CPNE8: variants seen among roughly 807,000 people sequenced by gnomAD.
CPNE8 encodes copine 8.
A neutral mutation model predicts 81.5 loss-of-function variants in CPNE8; 45 were observed. That is an observed-to-expected ratio of 0.55 (90% CI 0.44 to 0.71). The LOEUF (loss-of-function observed/expected upper bound fraction) is 0.71, where lower values mean the gene tolerates loss of function less well. Among genes scored for constraint, CPNE8 ranks in the 30% least tolerant of loss-of-function variants. The pLI is 0.00. For missense variants in CPNE8, 594 were observed against 672.1 expected, an observed-to-expected ratio of 0.88 and a Z score of 1.28; for synonymous variants, 252 against 226.3, an observed-to-expected ratio of 1.11 and a Z score of -1.02.
intron 1 of CPNE8, among the ~76,000 whole-genome samples, chr12:38,895,345 G>A (rs1484759240): frequency 2.0e-5 from 3 of 151,980 alleles, no homozygotes; most frequent in Non-Finnish European, 2.9e-5. Context: ...AAATTGTAGG[G>A]CCTGAGGTCA....
chr12:38,850,125 A>G (rs1467547692), intron 3 of CPNE8, among the ~76,000 whole-genome samples: 1 of 152,184 alleles, frequency 6.6e-6, no homozygotes, highest in Non-Finnish European at 1.5e-5. Context: ...GCGTACTTCA[A>G]GAGAACTGTG....
chr12:38,891,270 C>A (rs918823220), intron 1 of CPNE8, among the ~76,000 whole-genome samples: 3 of 151,904 alleles, frequency 2.0e-5, no homozygotes, highest in Non-Finnish European at 4.4e-5. Flanking sequence ...GTGGCCACCT[C>A]TAAAATTAGC....
At chr12:38,799,715 CG>C (rs1217251337) in intron 6 of CPNE8, among the ~76,000 whole-genome samples, 1 of 149,354 alleles carries the variant, frequency 6.7e-6, no homozygotes, top group Non-Finnish European at 1.5e-5. Flanking sequence ...ACGCAGAAGA[CG>C]GGTGATTTCT....
chr12:38,811,903 A>C (rs773188071), intron 6 of CPNE8, among the ~76,000 whole-genome samples: 7 of 152,200 alleles, frequency 4.6e-5, no homozygotes, highest in Non-Finnish European at 1.0e-4. Flanking sequence ...TTACCCTTTT[A>C]TAGGCATTAT....
At chr12:38,761,303 T>C (rs1386999229) in intron 9 of CPNE8, among the ~76,000 whole-genome samples, 2 of 152,206 alleles carry the variant, frequency 1.3e-5, no homozygotes, top group Admixed American at 1.3e-4. Flanking sequence ...TAAGCAGGTC[T>C]GGATTGGGGC....
chr12:38,847,404 A>G (rs562619781), intron 4 of CPNE8, among the ~76,000 whole-genome samples: 1 of 152,302 alleles, frequency 6.6e-6, no homozygotes, highest in South Asian at 2.1e-4. Context: ...ATTCAACCAC[A>G]TACTACATGA....
chr12:38,718,323 T>C (rs536907170), intron 13 of CPNE8, among the ~76,000 whole-genome samples: 2 of 152,340 alleles, frequency 1.3e-5, no homozygotes, highest in South Asian at 2.1e-4. Context: ...AAACTACCTT[T>C]CTGTGTTTTT....
chr12:38,747,940 C>T (rs1941270231), intron 10 of CPNE8, among the ~76,000 whole-genome samples: 1 of 151,820 alleles, frequency 6.6e-6, no homozygotes, highest in Admixed American at 6.6e-5. Context: ...TTTCATTTTT[C>T]ATTTTATTAA....
intron 1 of CPNE8, among the ~76,000 whole-genome samples, chr12:38,896,961 T>G (rs1420540622): frequency 6.6e-6 from 1 of 152,150 alleles, no homozygotes; most frequent in Non-Finnish European, 1.5e-5. Context: ...TGTGACAGGC[T>G]GGGCATTGTA....
intron 7 of CPNE8, among the ~76,000 whole-genome samples, chr12:38,773,704 A>C (rs1316027025): frequency 6.6e-6 from 1 of 152,170 alleles, no homozygotes; most frequent in African/African-American, 2.4e-5. Flanking sequence ...ATTGCATTCA[A>C]CATTATAAAT....
intron 6 of CPNE8, among the ~76,000 whole-genome samples, chr12:38,825,483 T>C (rs1225419992): frequency 2.0e-5 from 3 of 152,246 alleles, no homozygotes; most frequent in Non-Finnish European, 2.9e-5. Context: ...ATCTTGGCAT[T>C]ATTCGCAGAT....
chr12:38,897,132 T>C (rs933190626), intron 1 of CPNE8, among the ~76,000 whole-genome samples: 11 of 152,128 alleles, frequency 7.2e-5, no homozygotes, highest in African/African-American at 2.7e-4. Context: ...ATCTGTCTGA[T>C]TTCTAATTCC....
At chr12:38,777,969 A>G (rs1386422214) in intron 6 of CPNE8, among the ~76,000 whole-genome samples, 1 of 152,168 alleles carries the variant, frequency 6.6e-6, no homozygotes, top group African/African-American at 2.4e-5. Context: ...CCTAAGTTGC[A>G]TATGCTTCTT....
intron 19 of CPNE8, among the ~76,000 whole-genome samples, chr12:38,655,775 G>A (rs1261798314): frequency 6.6e-6 from 1 of 151,996 alleles, no homozygotes; most frequent in African/African-American, 2.4e-5. Flanking sequence ...TCTTTTAAAA[G>A]AAGAGAAGAA....
intron 3 of CPNE8, among the ~76,000 whole-genome samples, chr12:38,863,875 C>A (rs957925554): frequency 2.0e-5 from 3 of 151,834 alleles, no homozygotes; most frequent in African/African-American, 7.3e-5. Flanking sequence ...CACGGTGAAA[C>A]CCCGTCTCTA....
chr12:38,818,361 C>T (rs1179200785), intron 6 of CPNE8, among the ~76,000 whole-genome samples: 1 of 152,148 alleles, frequency 6.6e-6, no homozygotes, highest in Non-Finnish European at 1.5e-5. Flanking sequence ...GTTCAACTCC[C>T]TCTTATGAAT....
chr12:38,734,103 C>A (rs1940899226), intron 10 of CPNE8, among the ~76,000 whole-genome samples: 1 of 151,944 alleles, frequency 6.6e-6, no homozygotes, highest in African/African-American at 2.4e-5. Flanking sequence ...TTAAACCCAT[C>A]AATTCATGTA....
chr12:38,674,007 A>G (rs977605849), intron 18 of CPNE8, among the ~76,000 whole-genome samples: 7 of 152,138 alleles, frequency 4.6e-5, no homozygotes, highest in Admixed American at 1.3e-4. Flanking sequence ...ATTGCTAGTA[A>G]TAAAGCTGAT....
chr12:38,875,272 A>C (rs1944050603), intron 1 of CPNE8, among the ~76,000 whole-genome samples: 1 of 152,166 alleles, frequency 6.6e-6, no homozygotes, highest in Non-Finnish European at 1.5e-5. Context: ...TTAAAAAGTT[A>C]AATTCAATAT....
Sources: allele counts gnomAD v4.1 joint callset (sites outside exome capture counted in the v4.1 genomes callset), GRCh38; gene constraint gnomAD v4.1.1; transcripts MANE v1.5; gene names NCBI Gene and HGNC (gene_info 2026-07-23, HGNC 2026-07-21).